The following GRID1 variants were observed in gnomAD, a reference collection of about 807,000 sequenced individuals.
The protein encoded by GRID1 is glutamate ionotropic receptor delta type subunit 1.
Under a neutral mutation model 98.0 loss-of-function variants are expected in GRID1, and 28 were observed. The ratio of observed to expected loss-of-function variants is 0.29; its 90% CI spans 0.21 to 0.39. GRID1 has a LOEUF of 0.39. Among genes scored for constraint, GRID1 ranks in the 10% least tolerant of loss-of-function variants. The pLI is 1.00. For synonymous variants in GRID1, 553 were observed against 538.5 expected, an observed-to-expected ratio of 1.03 and a Z score of -0.37; for missense variants, 1,111 against 1,340.5, an observed-to-expected ratio of 0.83 and a Z score of 2.67.
intron 4 of GRID1, among the ~76,000 whole-genome samples, chr10:86,019,583 C>T (rs1022447018): frequency 1.3e-5 from 2 of 152,268 alleles, no homozygotes; most frequent in Non-Finnish European, 2.9e-5. Flanking sequence ...ATGCTAGGCC[C>T]TTTGCAGATT....
At chr10:85,897,609 T>G (rs1413653518) in intron 5 of GRID1, among the ~76,000 whole-genome samples, 1 of 152,336 alleles carries the variant, frequency 6.6e-6, no homozygotes, top group South Asian at 2.1e-4. Context: ...TTTATGATGA[T>G]GATGATGGTG....
At chr10:85,619,827 G>A (rs1387695008) in intron 14 of GRID1, 40 bp downstream of exon 14, 2 of 1,531,444 alleles carry the variant, frequency 1.3e-6, no homozygotes, top group African/African-American at 1.4e-5. Context: ...GACCACTAGA[G>A]TCCTGAGGCA....
intron 2 of GRID1, among the ~76,000 whole-genome samples, chr10:86,241,155 C>T (rs1259863524): frequency 6.6e-6 from 1 of 152,232 alleles, no homozygotes; most frequent in Non-Finnish European, 1.5e-5. Flanking sequence ...GCACCAGCTC[C>T]CACTTGTTTA....
intron 3 of GRID1, among the ~76,000 whole-genome samples, chr10:86,179,787 G>C (rs1406698688): frequency 6.6e-6 from 1 of 152,176 alleles, no homozygotes; most frequent in African/African-American, 2.4e-5. Context: ...ATCCAGGGAG[G>C]TCTAACAATG....
At chr10:86,008,830 T>C (rs1012078040) in intron 4 of GRID1, among the ~76,000 whole-genome samples, 3 of 152,146 alleles carry the variant, frequency 2.0e-5, no homozygotes, top group African/African-American at 7.2e-5. Flanking sequence ...AGTTTTTTGG[T>C]TTAATTTAAA....
rs56318010 is a variant in GRID1, at chr10:85,752,206, G to C, written c.1234-22592C>G. Among the ~76,000 whole-genome samples the C allele has an allele frequency of 1.8e-3, 276 of 152,246 alleles. 2 individuals carry two copies. Among genetic ancestry groups the C allele is most frequent in the South Asian group, 5.2e-3 (25 of 4,820 alleles). On this transcript the variant is annotated intron_variant, in intron 8 of 15. Transcript: ENST00000327946. The stretch of plus-strand genomic sequence containing the variant: ...TAGAATTGGTGGGAAACACATCCCA[G>C]AGCTGGCCCTGAGTTCACAGTCTTG...
intron 8 of GRID1, among the ~76,000 whole-genome samples, chr10:85,794,691 T>C (rs1842510125): frequency 6.6e-6 from 1 of 152,244 alleles, no homozygotes; most frequent in African/African-American, 2.4e-5. Flanking sequence ...TCTAAGCCAG[T>C]GCCTGCGGTG....
chr10:85,939,197 C>T (rs1841966009), intron 4 of GRID1, among the ~76,000 whole-genome samples: 2 of 152,146 alleles, frequency 1.3e-5, no homozygotes, highest in Non-Finnish European at 2.9e-5. Flanking sequence ...ACAAGGAGGT[C>T]AAGGTCAAGT....
intron 3 of GRID1, among the ~76,000 whole-genome samples, chr10:86,183,370 ATTTATTG>A: frequency 6.6e-6 from 1 of 151,324 alleles, no homozygotes; most frequent in Non-Finnish European, 1.5e-5. Flanking sequence ...TTATTTATTT[ATTTATTG>A]AGATAGAGTT....
chr10:85,625,339 C>T (rs1332211576), intron 13 of GRID1, among the ~76,000 whole-genome samples: 2 of 152,244 alleles, frequency 1.3e-5, no homozygotes, highest in Non-Finnish European at 2.9e-5. Flanking sequence ...TCTCAGACCT[C>T]TCCAGGACAC....
rs146025797 is a variant in GRID1 at position 85,784,511 on chromosome 10, G to A, written c.1234-54897C>T. ...TGGGGCTTCCCAGGAATTCAGCAACGCCCTGAATGATGGCCGTGCATCTCC... is the reference window on the plus strand; with the variant it reads ...TGGGGCTTCCCAGGAATTCAGCAACACCCTGAATGATGGCCGTGCATCTCC... On this transcript the variant is annotated intron_variant, in intron 8 of 15. Coordinates refer to ENST00000327946, the MANE Select transcript of GRID1 (RefSeq NM_017551.3). 2.6e-4 allele frequency among the ~76,000 whole-genome samples: 39 copies of A among 152,328 alleles called. No individual in the cohort carries two copies. The East Asian group carries it at 6.6e-3, about 26-fold the overall frequency.
intron 8 of GRID1, among the ~76,000 whole-genome samples, chr10:85,813,415 T>C (rs969847016): frequency 8.0e-5 from 12 of 150,236 alleles, no homozygotes; most frequent in African/African-American, 2.4e-4. Flanking sequence ...TCAGAGGATA[T>C]GGAAGTCAGA....
In GRID1 at chr10:86,247,251, GGATGGATA is replaced by G. The variant is rs1225416605; in HGVS notation, c.236-40611_236-40604del. Among the ~76,000 whole-genome samples the G allele has an allele frequency of 1.2e-4, 10 of 86,064 alleles. No individual in the cohort carries two copies. The South Asian group carries it at 1.6e-3, about 13-fold the overall frequency. The allele number at this position is 86,064 out of a possible 152,430, so 56.5% of individuals were successfully genotyped here. A position where few individuals can be genotyped will look rare whatever the true frequency, so the allele number is the denominator to read the frequency against. On this transcript the variant is annotated intron_variant, in intron 2 of 15. Coordinates refer to ENST00000327946, the MANE Select transcript of GRID1 (RefSeq NM_017551.3). ...TGGAAGGACAGAGGGATGGACAGAT[GGATGGATA>G]GATGGATGGATGGATAGATGGATAG...
At chr10:86,303,924 C>T (rs916752760) in intron 2 of GRID1, among the ~76,000 whole-genome samples, 1 of 152,232 alleles carries the variant, frequency 6.6e-6, no homozygotes, top group Non-Finnish European at 1.5e-5. Context: ...CTGCCTCTGA[C>T]CTTTTAAAGA....
At chr10:85,920,518 G>A (rs1168103519) in intron 4 of GRID1, among the ~76,000 whole-genome samples, 2 of 152,210 alleles carry the variant, frequency 1.3e-5, no homozygotes, top group Non-Finnish European at 1.5e-5. Flanking sequence ...GGGTAGGGGA[G>A]TGGACCAGGA....
At chr10:86,023,660 C>T (rs1252306745) in intron 4 of GRID1, among the ~76,000 whole-genome samples, 3 of 152,154 alleles carry the variant, frequency 2.0e-5, no homozygotes, top group Admixed American at 2.0e-4. Context: ...GACTCACCAC[C>T]TCCCCCTGAC....
chr10:85,887,637 C>G (rs1399024499), intron 5 of GRID1, among the ~76,000 whole-genome samples: 1 of 152,150 alleles, frequency 6.6e-6, no homozygotes, highest in Non-Finnish European at 1.5e-5. Context: ...AAGTGATGAG[C>G]GTAGGGTCTG....
intron 4 of GRID1, among the ~76,000 whole-genome samples, chr10:85,963,433 A>G (rs556481875): frequency 6.6e-6 from 1 of 152,274 alleles, no homozygotes; most frequent in Non-Finnish European, 1.5e-5. Flanking sequence ...CACTCGCCAC[A>G]CAGTGGACAG....
rs1841780347 is a variant in GRID1, at chr10:85,727,933, G to A, written c.1455C>T (p.Tyr485=). Residue 485 remains tyrosine (Y), a synonymous_variant, in exon 10 of 16, where the codon TAC becomes TAT. Coordinates refer to ENST00000327946, the MANE Select transcript of GRID1 (RefSeq NM_017551.3). ...GACCGTACCTGCCATCAGGGGCTTG[G>A]TAAATCTCATATTTAAAGCCCAGAG... is the stretch of plus-strand genomic sequence containing the variant. The part of the protein sequence containing the change: ...AKALGFKYEI[Y]QAPDGRYGHQ... 6.2e-7 allele frequency: 1 copy of A among 1,613,824 alleles called. No homozygotes were observed. The highest frequency in any genetic ancestry group is 2.2e-5 in the East Asian group (1 of 44,876).
Sources: allele counts gnomAD v4.1 joint callset (sites outside exome capture counted in the v4.1 genomes callset), GRCh38; gene constraint gnomAD v4.1.1; transcripts MANE v1.5; gene names NCBI Gene and HGNC (gene_info 2026-07-23, HGNC 2026-07-21).